SPON2: variants seen among roughly 807,000 people sequenced by gnomAD.
SPON2 encodes spondin 2.
Under a neutral mutation model 29.9 loss-of-function variants are expected in SPON2, and 32 were observed. That is an observed-to-expected ratio of 1.07 (90% confidence interval 0.81 to 1.44). The LOEUF (loss-of-function observed/expected upper bound fraction) is 1.44, where lower values mean the gene tolerates loss of function less well. Among genes scored for constraint, SPON2 ranks in the 40% most tolerant of loss-of-function variants. The pLI is 0.00. For missense variants in SPON2, 541 were observed against 455.5 expected, an observed-to-expected ratio of 1.19 and a Z score of -1.71; for synonymous variants, 248 against 209.1, an observed-to-expected ratio of 1.19 and a Z score of -1.61.
chr4:1,203,791 T>A (rs973356916), intron 1 of SPON2, among the ~76,000 whole-genome samples: 3 of 152,174 alleles, frequency 2.0e-5, no homozygotes, highest in African/African-American at 7.2e-5. Context: ...ATTTCCCTGG[T>A]GGCTAATGGT....
chr4:1,187,924 AG>A (rs1727834925), intron 1 of SPON2, among the ~76,000 whole-genome samples: 1 of 152,118 alleles, frequency 6.6e-6, no homozygotes, highest in Non-Finnish European at 1.5e-5. Context: ...ATAACAGGCC[AG>A]GCACAGCAAC....
intron 1 of SPON2, chr4:1,201,396 G>T: frequency 3.2e-6 from 1 of 314,440 alleles, no homozygotes; most frequent in Non-Finnish European, 6.4e-6. Flanking sequence ...ATGCAGGCAG[G>T]TGTTTGTGAT....
In SPON2 at chr4:1,182,661, A is replaced by G. The variant is rs150445984; in HGVS notation, c.-238-3120T>C. Among the ~76,000 whole-genome samples the G allele has an allele frequency of 8.5e-5, 13 of 152,342 alleles. No individual in the cohort carries two copies. In the East Asian group the frequency reaches 2.5e-3, roughly 29 times the overall value. ...AAGAGAGACTGAAAGAGTCAGGAGA[A>G]CATTTGAAGAAATAATAGTTTAAAA... On this transcript the variant is annotated intron_variant, in intron 1 of 3. Transcript: ENST00000502483.
upstream of SPON2, chr4:1,195,239 G>A (rs1411926574): frequency 1.3e-5 from 2 of 152,350 alleles, no homozygotes; most frequent in East Asian, 3.9e-4. Flanking sequence ...ATGACTCAAT[G>A]TCCCACTCCC....
intron 4 of SPON2, chr4:1,170,784 C>T (rs1727409740): frequency 4.2e-6 from 4 of 942,040 alleles, no homozygotes; most frequent in Non-Finnish European, 6.6e-6. Context: ...GGACGCGCGT[C>T]CCGCTGTCCT....
chr4:1,198,392 G>A (rs1728119530), upstream of SPON2, among the ~76,000 whole-genome samples: 1 of 152,072 alleles, frequency 6.6e-6, no homozygotes, highest in South Asian at 2.1e-4. Flanking sequence ...GTCATCCCAG[G>A]GTTACTTTAA....
intron 1 of SPON2, among the ~76,000 whole-genome samples, chr4:1,188,398 T>C (rs1030935812): frequency 2.6e-5 from 4 of 152,236 alleles, no homozygotes; most frequent in Admixed American, 6.5e-5. Flanking sequence ...AAATGTTAAT[T>C]AAACACTCCA....
upstream of SPON2, among the ~76,000 whole-genome samples, chr4:1,196,606 C>T (rs1362122446): frequency 6.6e-6 from 1 of 152,198 alleles, no homozygotes. Flanking sequence ...TGGCTGTCTC[C>T]TCTCCTGCAG....
chr4:1,206,407 G>C (rs1239394168), intron 1 of SPON2, among the ~76,000 whole-genome samples: 1 of 152,256 alleles, frequency 6.6e-6, no homozygotes, highest in Non-Finnish European at 1.5e-5. Flanking sequence ...TGCTCTGCCA[G>C]GGCAGGGGGA....
intron 5 of SPON2, chr4:1,167,961 G>A: frequency 3.0e-6 from 1 of 329,766 alleles, no homozygotes; most frequent in Non-Finnish European, 5.6e-6. Context: ...GAACCCCGTG[G>A]GAACCCCGGG....
chr4:1,170,243 G>A, intron 5 of SPON2, 159 bp downstream of exon 5: 1 of 719,506 alleles, frequency 1.4e-6, no homozygotes, highest in Non-Finnish European at 2.4e-6. Flanking sequence ...TCTTCAGTGT[G>A]TGAATCAACA....
At chr4:1,176,873 CTTCATTCATTCATTCACACCA>C (rs1206694836), upstream of SPON2, among the ~76,000 whole-genome samples, 2 of 151,774 alleles carry the variant, frequency 1.3e-5, no homozygotes, top group African/African-American at 2.4e-5. Context: ...CATTCACACA[CTTCATTCATTCATTCACACCA>C]TTCATTCATT....
At chr4:1,192,264 C>G (rs2108667194) in intron 1 of SPON2, among the ~76,000 whole-genome samples, 1 of 152,360 alleles carries the variant, frequency 6.6e-6, no homozygotes, top group South Asian at 2.1e-4. Context: ...AGCCAAGCAG[C>G]TCTACTGAGT....
At chr4:1,170,790 G>T in intron 4 of SPON2, 2 of 950,522 alleles carry the variant, frequency 2.1e-6, no homozygotes, top group Non-Finnish European at 3.3e-6. Flanking sequence ...GCGTCCCGCT[G>T]TCCTCCCTGC....
At chr4:1,194,772 G>A (rs1390549655) in intron 1 of SPON2, among the ~76,000 whole-genome samples, 1 of 152,118 alleles carries the variant, frequency 6.6e-6, no homozygotes, top group East Asian at 1.9e-4. Flanking sequence ...GGGGCCAGAG[G>A]CAGTGGAAGG....
chr4:1,204,499 C>T (rs187197570), intron 1 of SPON2, among the ~76,000 whole-genome samples: 2 of 152,306 alleles, frequency 1.3e-5, no homozygotes, highest in East Asian at 3.9e-4. Context: ...GCGTGTTCAC[C>T]GTTCGCATTG....
upstream of SPON2, among the ~76,000 whole-genome samples, chr4:1,196,604 T>A (rs1290124006): frequency 1.3e-5 from 2 of 152,168 alleles, no homozygotes; most frequent in African/African-American, 4.8e-5. Flanking sequence ...TCTGGCTGTC[T>A]CCTCTCCTGC....
At chr4:1,187,136 C>G (rs974152309) in intron 1 of SPON2, among the ~76,000 whole-genome samples, 4 of 152,220 alleles carry the variant, frequency 2.6e-5, no homozygotes, top group Non-Finnish European at 5.9e-5. Flanking sequence ...AAGTGCCTAC[C>G]AATGAACAAA....
Position 1,202,158 on chromosome 4 carries a change from G to C in SPON2, c.-234+5722C>G, listed in dbSNP as rs904282895. Among the ~76,000 whole-genome samples the C allele has an allele frequency of 1.3e-5, 2 of 152,210 alleles. No individual in the cohort carries two copies. Among genetic ancestry groups the C allele is most frequent in the African/African-American group, 4.8e-5 (2 of 41,448 alleles). On this transcript the variant is annotated intron_variant, in intron 1 of 3. Transcript: ENST00000509233. This position sits in a 1 kb window ranked among gnomAD's most constrained non-coding sequence, Gnocchi z 5.4. ...AACATCAGACAGCAGTTTATCAACA[G>C]AGACTTCCTGCCTCCCCGTCTGGAG...
Sources: gnomAD v4.1 joint callset for allele counts (sites outside exome capture counted in the v4.1 genomes callset) on GRCh38, gnomAD v4.1.1 for gene constraint, Gnocchi (gnomAD v3.1) non-coding constraint, MANE v1.5 for transcripts, NCBI Gene and HGNC (gene_info 2026-07-23, HGNC 2026-07-21) for gene names.